Variants in ST6GALNAC3 observed in about 807,000 individuals in gnomAD.
ST6GALNAC3 encodes ST6 N-acetylgalactosaminide alpha-2,6-sialyltransferase 3.
In ST6GALNAC3, 25 loss-of-function variants were observed where a neutral mutation model predicts 32.7. That is an observed-to-expected ratio of 0.76 (90% CI 0.56 to 1.07). The LOEUF is 1.07. ST6GALNAC3 is among the 50% of genes least tolerant of loss of function. The pLI is 0.00. For synonymous variants in ST6GALNAC3, 129 were observed against 133.1 expected (o/e 0.97, Z 0.21); for missense variants, 355 against 382.4 (o/e 0.93, Z 0.60).
chr1:76,525,850 A>G (rs1662881095), intron 3 of ST6GALNAC3, among the ~76,000 whole-genome samples: 1 of 131,448 alleles, frequency 7.6e-6, no homozygotes, highest in African/African-American at 2.7e-5. Flanking sequence ...AGGGACTAAG[A>G]CAACTCATTC....
intron 1 of ST6GALNAC3, chr1:76,308,050 AAAG>A (rs1317626227): frequency 3.1e-6 from 1 of 320,158 alleles, no homozygotes; most frequent in Non-Finnish European, 6.4e-6. Flanking sequence ...AATGAAGAAC[AAAG>A]AAGGAGAAAG....
chr1:76,327,529 G>T (rs1647100587), intron 2 of ST6GALNAC3, among the ~76,000 whole-genome samples: 1 of 152,128 alleles, frequency 6.6e-6, no homozygotes, highest in South Asian at 2.1e-4. Context: ...GTTTATGAAG[G>T]ATAATCTGAT....
chr1:76,594,977 T>C (rs1430458504), intron 3 of ST6GALNAC3, among the ~76,000 whole-genome samples: 1 of 152,168 alleles, frequency 6.6e-6, no homozygotes, highest in Non-Finnish European at 1.5e-5. Context: ...TACATTACAT[T>C]ATTATTAACC....
At chr1:76,283,253 T>C (rs1397559773) in intron 1 of ST6GALNAC3, among the ~76,000 whole-genome samples, 2 of 152,190 alleles carry the variant, frequency 1.3e-5, no homozygotes, top group African/African-American at 4.8e-5. Context: ...AAATTGGCTT[T>C]TTTTCTTTAA....
rs190126834 is a variant in ST6GALNAC3, at chr1:76,454,689, G to T, written c.623+42272G>T. Among the ~76,000 whole-genome samples, 17 of 152,214 alleles carry T rather than the reference G, an allele frequency of 1.1e-4. No individual in the cohort carries two copies. The East Asian group carries it at 3.1e-3, about 28-fold the overall frequency. On this transcript the variant is annotated intron_variant, in intron 3 of 4. Transcript: ENST00000328299. ...TAGGTTTTCCTTTATAGGTTACCTGGTGCTTTTGCCTCATGGCTTTTAAGA... is the reference window on the plus strand; with the variant it reads ...TAGGTTTTCCTTTATAGGTTACCTGTTGCTTTTGCCTCATGGCTTTTAAGA...
intron 3 of ST6GALNAC3, among the ~76,000 whole-genome samples, chr1:76,519,563 T>C (rs902493158): frequency 2.0e-5 from 3 of 152,138 alleles, no homozygotes; most frequent in African/African-American, 7.2e-5. Context: ...TAAATAGCCA[T>C]GTGTAGCTAG....
intron 3 of ST6GALNAC3, among the ~76,000 whole-genome samples, chr1:76,477,666 T>C (rs1482201703): frequency 1.3e-5 from 2 of 152,172 alleles, no homozygotes; most frequent in Non-Finnish European, 2.9e-5. Flanking sequence ...GGTCTGCCTC[T>C]CCCTGCATTC....
intron 1 of ST6GALNAC3, among the ~76,000 whole-genome samples, chr1:76,156,061 T>A (rs1651394945): frequency 6.6e-6 from 1 of 152,178 alleles, no homozygotes; most frequent in Non-Finnish European, 1.5e-5. Context: ...TGAGGAGTAC[T>A]GCTCAGGAGT....
Position 76,307,288 on chromosome 1 carries a change from A to G in ST6GALNAC3, c.19-6517A>G, listed in dbSNP as rs540767790. Among the ~76,000 whole-genome samples the G allele has an allele frequency of 4.5e-4, 68 of 152,226 alleles. 1 individual carries two copies. Among genetic ancestry groups the G allele is most frequent in the African/African-American group, 1.6e-3 (68 of 41,582 alleles). ...GGGATACACCCAGATTTTTGATTCA[A>G]CGATGAAATAAAATGAATGAAGGTT... On this transcript the variant is annotated intron_variant, in intron 1 of 4. Coordinates refer to ENST00000328299, the MANE Select transcript of ST6GALNAC3 (RefSeq NM_152996.4).
intron 2 of ST6GALNAC3, among the ~76,000 whole-genome samples, chr1:76,344,214 G>C (rs1350066372): frequency 1.3e-5 from 2 of 152,264 alleles, no homozygotes; most frequent in East Asian, 3.9e-4. Flanking sequence ...TGATGAGAGG[G>C]AGCCAAGTAC....
intron 3 of ST6GALNAC3, chr1:76,413,063 G>GT (rs1654376645): frequency 1.7e-5 from 5 of 296,800 alleles, no homozygotes; most frequent in South Asian, 9.0e-5. Flanking sequence ...TTACATCCAT[G>GT]TTTTTTCTGT....
chr1:76,593,361 G>A (rs906237108), intron 3 of ST6GALNAC3, among the ~76,000 whole-genome samples: 1 of 152,080 alleles, frequency 6.6e-6, no homozygotes, highest in South Asian at 2.1e-4. Flanking sequence ...TTTTTAATCT[G>A]GTATCCTTAA....
chr1:76,294,690 G>GTT (rs59173045), intron 1 of ST6GALNAC3, among the ~76,000 whole-genome samples: 2 of 151,006 alleles, frequency 1.3e-5, no homozygotes, highest in African/African-American at 4.9e-5. Flanking sequence ...AAAAGAGTAA[G>GTT]TTTTTTTTTG....
At chr1:76,619,694 AT>A (rs557590861) in intron 3 of ST6GALNAC3, among the ~76,000 whole-genome samples, 173 of 152,284 alleles carry the variant, frequency 1.1e-3, no homozygotes, top group African/African-American at 4.0e-3. Context: ...AATTGGTGCT[AT>A]TTATGCATCC....
chr1:76,466,552 A>C (rs1247816865), intron 3 of ST6GALNAC3, among the ~76,000 whole-genome samples: 4 of 152,102 alleles, frequency 2.6e-5, no homozygotes, highest in Admixed American at 2.6e-4. Context: ...GTAGCAATAT[A>C]ATTGCTTTGG....
intron 2 of ST6GALNAC3, among the ~76,000 whole-genome samples, chr1:76,315,654 ACAGGCATGGTTTGAGAGT>A (rs1367842527): frequency 6.6e-6 from 1 of 152,188 alleles, no homozygotes; most frequent in African/African-American, 2.4e-5. Context: ...TTGGAAGCAC[ACAGGCATGGTTTGAGAGT>A]CAGTTCTAAC....
At chr1:76,146,355 A>G (rs1650681419) in intron 1 of ST6GALNAC3, among the ~76,000 whole-genome samples, 1 of 152,114 alleles carries the variant, frequency 6.6e-6, no homozygotes. Context: ...GTTTTCATTG[A>G]TGTCAGATGA....
intron 3 of ST6GALNAC3, among the ~76,000 whole-genome samples, chr1:76,472,119 T>G (rs148252712): frequency 6.6e-6 from 1 of 152,246 alleles, no homozygotes; most frequent in African/African-American, 2.4e-5. Flanking sequence ...TGTGAGTTTC[T>G]TGTTTGAAAT....
At chr1:76,113,636 C>T (rs987027416) in intron 1 of ST6GALNAC3, among the ~76,000 whole-genome samples, 2 of 151,828 alleles carry the variant, frequency 1.3e-5, no homozygotes, top group Admixed American at 1.3e-4. Context: ...CAACAATGGC[C>T]CCCTTTTGGC....
Sources: allele counts gnomAD v4.1 joint callset (sites outside exome capture counted in the v4.1 genomes callset), GRCh38; gene constraint gnomAD v4.1.1; transcripts MANE v1.5; gene names NCBI Gene and HGNC (gene_info 2026-07-23, HGNC 2026-07-21).